EFCAB11: variants seen among roughly 807,000 people sequenced by gnomAD.
EFCAB11 encodes EF-hand calcium binding domain 11.
In EFCAB11, 14 loss-of-function variants were observed where a neutral mutation model predicts 23.0. That is an observed-to-expected ratio of 0.61 (90% CI 0.40 to 0.95). The LOEUF (loss-of-function observed/expected upper bound fraction) is 0.95, where lower values mean the gene tolerates loss of function less well. Ranked by LOEUF, EFCAB11 falls within the 40% of genes least tolerant of loss-of-function variation. The probability of loss-of-function intolerance (pLI) is 0.00; values close to 1 mark genes in which losing one functional copy is unlikely to be tolerated. For synonymous variants in EFCAB11, 65 were observed against 66.6 expected (o/e 0.98, Z 0.11); for missense variants, 198 against 195.8 (o/e 1.01, Z -0.07).
intron 5 of EFCAB11, among the ~76,000 whole-genome samples, chr14:89,801,996 A>G (rs1011271623): frequency 1.3e-5 from 2 of 151,874 alleles, no homozygotes; most frequent in Non-Finnish European, 1.5e-5. Context: ...TCTGTCTCAA[A>G]AAAAAAAAAA....
At chr14:89,909,014 G>C (rs140249895) in intron 5 of EFCAB11, among the ~76,000 whole-genome samples, 1 of 152,206 alleles carries the variant, frequency 6.6e-6, no homozygotes, top group Non-Finnish European at 1.5e-5. Context: ...TGGTGCTCCA[G>C]ATGACACATT....
rs149571773 is a variant in EFCAB11, at chr14:89,915,736, C to T, written c.410+15805G>A. ...TTTGATTTATTCTGCCATAAACTCA[C>T]ACTCAAAAAGCAAACACTGAGAACT... On this transcript the variant is annotated intron_variant, in intron 5 of 5. Transcript: ENST00000316738. 4.0e-3 allele frequency among the ~76,000 whole-genome samples: 611 copies of T among 152,272 alleles called. 2 individuals carry two copies. The highest frequency in any genetic ancestry group is 6.5e-3 in the Non-Finnish European group (442 of 68,018).
rs1885534920 is a variant in EFCAB11, at chr14:89,795,110, TG to T, written c.*2132del. 1 of 151,068 alleles carries T rather than the reference TG, an allele frequency of 6.6e-6. No homozygotes were observed. Among genetic ancestry groups the T allele is most frequent in the African/African-American group, 2.4e-5 (1 of 41,164 alleles). The allele number at this position is 151,068 out of a possible 1,614,324, so 9.4% of individuals were successfully genotyped here. A position where few individuals can be genotyped will look rare whatever the true frequency, so the allele number is the denominator to read the frequency against. On this transcript the variant is annotated 3_prime_UTR_variant, in exon 6 of 6. Coordinates refer to ENST00000316738, the MANE Select transcript of EFCAB11 (RefSeq NM_145231.4). ...CTCCTGCCTCAGCCTCCCGAGCAGC[TG>T]GGACTACAGGCACCTGCCACCACGC...
intron 5 of EFCAB11, among the ~76,000 whole-genome samples, chr14:89,883,260 T>C (rs1226468302): frequency 6.6e-6 from 1 of 152,178 alleles, no homozygotes; most frequent in Non-Finnish European, 1.5e-5. Context: ...ATAAAAGAAA[T>C]TGATATTAGA....
At chr14:89,811,177 A>G (rs1886140812) in intron 5 of EFCAB11, among the ~76,000 whole-genome samples, 1 of 152,048 alleles carries the variant, frequency 6.6e-6, no homozygotes, top group South Asian at 2.1e-4. Flanking sequence ...AGCAAGGTAC[A>G]TTCAAGGAAC....
rs1014702965 is a variant in EFCAB11, at chr14:89,841,621, G to A, written c.411-44297C>T. 8.5e-5 allele frequency among the ~76,000 whole-genome samples: 13 copies of A among 152,078 alleles called. No individual in the cohort carries two copies. The South Asian group carries it at 1.9e-3, about 22-fold the overall frequency. On this transcript the variant is annotated intron_variant, in intron 5 of 5. Coordinates refer to ENST00000316738, the MANE Select transcript of EFCAB11 (RefSeq NM_145231.4). ...CTTCTTGGCAGTACTTGTCACTGCT[G>A]ACCCCGCCCCCTCCTTTCTTCTTGA...
intron 5 of EFCAB11, among the ~76,000 whole-genome samples, chr14:89,926,608 G>A (rs917555133): frequency 3.3e-5 from 5 of 152,008 alleles, no homozygotes; most frequent in Non-Finnish European, 5.9e-5. Context: ...GAAGAGACAT[G>A]GTAATATACT....
At chr14:89,945,919 T>A (rs147245606) in intron 3 of EFCAB11, among the ~76,000 whole-genome samples, 8 of 148,122 alleles carry the variant, frequency 5.4e-5, no homozygotes, top group South Asian at 4.2e-4. Context: ...GGGATTTTTT[T>A]TTTTTATTTT....
chr14:89,821,509 T>C (rs1886518571), intron 5 of EFCAB11, among the ~76,000 whole-genome samples: 1 of 152,144 alleles, frequency 6.6e-6, no homozygotes, highest in African/African-American at 2.4e-5. Flanking sequence ...GAAATAGGAA[T>C]ATAAACAAAT....
intron 5 of EFCAB11, among the ~76,000 whole-genome samples, chr14:89,896,389 C>CAA (rs796495764): frequency 7.3e-6 from 1 of 137,158 alleles, no homozygotes; most frequent in Non-Finnish European, 1.6e-5. Flanking sequence ...GACTCTGTCT[C>CAA]AAAAAAAAAA....
chr14:89,891,789 C>T (rs1400096266), intron 5 of EFCAB11, among the ~76,000 whole-genome samples: 1 of 152,126 alleles, frequency 6.6e-6, no homozygotes, highest in Non-Finnish European at 1.5e-5. Context: ...GATAGGGACG[C>T]GGCCATGGAG....
At chr14:89,924,546 G>A (rs1402774970) in intron 5 of EFCAB11, 8 of 1,512,296 alleles carry the variant, frequency 5.3e-6, no homozygotes, top group African/African-American at 1.4e-5. Context: ...GCATGGAGAA[G>A]TAAACATATC....
intron 5 of EFCAB11, among the ~76,000 whole-genome samples, chr14:89,877,044 G>GTT (rs148793164): frequency 2.7e-5 from 4 of 146,746 alleles, no homozygotes; most frequent in African/African-American, 2.5e-5. Flanking sequence ...ATGACCAAAA[G>GTT]TTTTTTTTTT....
At chr14:89,887,475 A>C (rs1303759032) in intron 5 of EFCAB11, among the ~76,000 whole-genome samples, 1 of 152,170 alleles carries the variant, frequency 6.6e-6, no homozygotes, top group Non-Finnish European at 1.5e-5. Flanking sequence ...AAAAAGTAAA[A>C]CTAGAAATAA....
chr14:89,934,822 T>A (rs909660338), intron 3 of EFCAB11, among the ~76,000 whole-genome samples: 1 of 152,138 alleles, frequency 6.6e-6, no homozygotes, highest in Non-Finnish European at 1.5e-5. Flanking sequence ...CACCAAAATC[T>A]AGTCAATTAA....
intron 5 of EFCAB11, among the ~76,000 whole-genome samples, chr14:89,857,945 C>T (rs1365531220): frequency 6.6e-6 from 1 of 152,214 alleles, no homozygotes; most frequent in Non-Finnish European, 1.5e-5. Flanking sequence ...AGCTTCTACT[C>T]ATGGAGAAGA....
chr14:89,801,676 A>C (rs8009437), intron 5 of EFCAB11, among the ~76,000 whole-genome samples: 132,846 of 151,980 alleles, frequency 0.87, 58,359 homozygotes, highest in Middle Eastern at 0.93. Context: ...TGTAAAAGTA[A>C]AAATATTTTG....
intron 5 of EFCAB11, among the ~76,000 whole-genome samples, chr14:89,813,055 G>T (rs1489376309): frequency 6.6e-6 from 1 of 152,116 alleles, no homozygotes; most frequent in East Asian, 1.9e-4. Flanking sequence ...ACAGAAAAGA[G>T]AACAGAAAAG....
At chr14:89,807,672 C>T (rs1299012684) in intron 5 of EFCAB11, among the ~76,000 whole-genome samples, 3 of 152,054 alleles carry the variant, frequency 2.0e-5, no homozygotes, top group East Asian at 1.9e-4. Flanking sequence ...CAGAAAATAC[C>T]AGTTGTCAAA....
Sources: gnomAD v4.1 joint callset for allele counts (sites outside exome capture counted in the v4.1 genomes callset) on GRCh38, gnomAD v4.1.1 for gene constraint, MANE v1.5 for transcripts, NCBI Gene and HGNC (gene_info 2026-07-23, HGNC 2026-07-21) for gene names.